The following EEIG2 variants were observed in gnomAD, a reference collection of about 807,000 sequenced individuals.
EEIG2 encodes family with sequence similarity 102 member B.
At chr1:108,609,734 C>T in the EEIG2 span, among the ~76,000 whole-genome samples, 8 of 152,120 alleles carry the variant, frequency 5.3e-5, no homozygotes, top group African/African-American at 1.2e-4. Context: ...CCAAGAGGAA[C>T]GAGATCATGA....
the EEIG2 span, among the ~76,000 whole-genome samples, chr1:108,563,372 G>A: frequency 6.6e-6 from 1 of 152,190 alleles, no homozygotes; most frequent in Non-Finnish European, 1.5e-5. Flanking sequence ...AGTTAAGTGT[G>A]TGCTGATTCG....
the EEIG2 span, among the ~76,000 whole-genome samples, chr1:108,572,639 G>T: frequency 6.6e-6 from 1 of 151,790 alleles, no homozygotes; most frequent in South Asian, 2.1e-4. Context: ...TTCTTGAGAC[G>T]GAGTCTCGCC....
At chr1:108,560,257 G>GC in the EEIG2 span, 1 of 225,336 alleles carries the variant, frequency 4.4e-6, no homozygotes, top group Admixed American at 6.8e-5. Context: ...CCAGGCTGCC[G>GC]CGAGAGGCGG....
chr1:108,567,871 A>G, the EEIG2 span, among the ~76,000 whole-genome samples: 1 of 151,974 alleles, frequency 6.6e-6, no homozygotes, highest in African/African-American at 2.4e-5. Flanking sequence ...CGTGGCATGC[A>G]CCTGTGTTCC....
At chr1:108,581,007 CT>C in the EEIG2 span, among the ~76,000 whole-genome samples, 1 of 152,196 alleles carries the variant, frequency 6.6e-6, no homozygotes, top group Non-Finnish European at 1.5e-5. Context: ...GACAGGCTCA[CT>C]CTCTTGCTAG....
the EEIG2 span, chr1:108,628,659 A>ATGTAAT: frequency 1.8e-5 from 28 of 1,597,550 alleles, no homozygotes; most frequent in Non-Finnish European, 2.1e-5. Flanking sequence ...AAAGGAAAAA[A>ATGTAAT]TGTAATTCTT....
chr1:108,628,665 T>C, the EEIG2 span: 1 of 1,600,446 alleles, frequency 6.2e-7, no homozygotes, highest in Non-Finnish European at 8.5e-7. Context: ...AAAAATGTAA[T>C]TCTTTTCAAA....
the EEIG2 span, among the ~76,000 whole-genome samples, chr1:108,603,477 C>T: frequency 6.6e-6 from 1 of 152,110 alleles, no homozygotes; most frequent in African/African-American, 2.4e-5. Flanking sequence ...GCCTCCAGTC[C>T]GCTCAATCCC....
the EEIG2 span, among the ~76,000 whole-genome samples, chr1:108,604,819 G>A: frequency 8.0e-5 from 12 of 149,592 alleles, no homozygotes; most frequent in African/African-American, 2.7e-4. Flanking sequence ...GCTTAAGGCC[G>A]GAAGTTTGAG....
At chr1:108,638,466 T>C in the EEIG2 span, 1 of 152,268 alleles carries the variant, frequency 6.6e-6, no homozygotes, top group African/African-American at 2.4e-5. Flanking sequence ...CTGACATTAT[T>C]ACCAAATACT....
chr1:108,600,984 AG>A, the EEIG2 span, among the ~76,000 whole-genome samples: 1 of 152,050 alleles, frequency 6.6e-6, no homozygotes, highest in African/African-American at 2.4e-5. Context: ...TTAAATTCCT[AG>A]TTTTTATTAG....
At chr1:108,609,996 C>T in the EEIG2 span, among the ~76,000 whole-genome samples, 3 of 152,150 alleles carry the variant, frequency 2.0e-5, no homozygotes, top group African/African-American at 7.2e-5. Context: ...TGCAGTAAAT[C>T]ACCATAGCAA....
At chr1:108,588,728 CTTT>C in the EEIG2 span, among the ~76,000 whole-genome samples, 3 of 121,400 alleles carry the variant, frequency 2.5e-5, no homozygotes, top group Non-Finnish European at 5.5e-5. Flanking sequence ...GGTTATTTGA[CTTT>C]TTTTTTTTTT....
the EEIG2 span, among the ~76,000 whole-genome samples, chr1:108,569,570 G>GC: frequency 6.6e-6 from 1 of 152,176 alleles, no homozygotes; most frequent in African/African-American, 2.4e-5. Context: ...AAGCAATCCT[G>GC]CCTCAGCCGC....
chr1:108,579,772 T>TGTGTGTGTGAGAGAGAGAGAGAGA, the EEIG2 span, among the ~76,000 whole-genome samples: 1 of 58,822 alleles, frequency 1.7e-5, no homozygotes, highest in African/African-American at 6.5e-5. Context: ...TGTGTGTGTG[T>TGTGTGTGTGAGAGAGAGAGAGAGA]GAGAGAGAGA....
chr1:108,567,166 AT>A, the EEIG2 span, among the ~76,000 whole-genome samples: 1 of 152,086 alleles, frequency 6.6e-6, no homozygotes, highest in South Asian at 2.1e-4. Flanking sequence ...AAAATAAAAA[AT>A]TTTTTAATTA....
the EEIG2 span, among the ~76,000 whole-genome samples, chr1:108,630,582 AAAAG>A: frequency 1.3e-5 from 2 of 152,232 alleles, no homozygotes; most frequent in Non-Finnish European, 2.9e-5. Flanking sequence ...TAATAATAAA[AAAAG>A]AAAAGTTCTG....
At chr1:108,579,768 T>TGAGAGAGAGAGAGAGA in the EEIG2 span, among the ~76,000 whole-genome samples, 91 of 14,368 alleles carry the variant, frequency 6.3e-3, 1 homozygote, top group Non-Finnish European at 9.8e-3. Flanking sequence ...TGTGTGTGTG[T>TGAGAGAGAGAGAGAGA]GTGTGAGAGA....
At chr1:108,634,774 A>G in the EEIG2 span, among the ~76,000 whole-genome samples, 1 of 152,164 alleles carries the variant, frequency 6.6e-6, no homozygotes, top group African/African-American at 2.4e-5. Context: ...GAGTCAACAT[A>G]TGCTCTTGGA....
Sources: gnomAD v4.1 joint callset for allele counts (sites outside exome capture counted in the v4.1 genomes callset) on GRCh38, gnomAD v4.1.1 for gene constraint, MANE v1.5 for transcripts, NCBI Gene and HGNC (gene_info 2026-07-23, HGNC 2026-07-21) for gene names.